TRAP1: variants seen among roughly 807,000 people sequenced by gnomAD.
TRAP1 encodes TNF receptor associated protein 1.
Under a neutral mutation model 89.1 loss-of-function variants are expected in TRAP1, and 102 were observed. The ratio of observed to expected loss-of-function variants is 1.15; its 90% CI spans 0.98 to 1.35. TRAP1 has a LOEUF of 1.35. Ranked by LOEUF, TRAP1 falls within the 40% of genes most tolerant of loss-of-function variation. The pLI is 0.00. For synonymous variants in TRAP1, 508 were observed against 388.0 expected (o/e 1.31, Z -3.64); for missense variants, 1,256 against 945.3 (o/e 1.33, Z -4.31).
intron 3 of TRAP1, among the ~76,000 whole-genome samples, chr16:3,686,809 A>G (rs1403950546): frequency 2.0e-5 from 3 of 152,166 alleles, no homozygotes; most frequent in African/African-American, 4.8e-5. Context: ...AGTCTCTACT[A>G]AAAATATTAA....
rs2151245485 is a variant in TRAP1, at chr16:3,666,043, A to G, written c.1311T>C (p.Tyr437=). The change falls in exon 12 of 18, where the codon TAT becomes TAC. Residue 437 remains tyrosine, a synonymous_variant. Transcript: ENST00000246957. ...GGCCGTAATCTTCAAAAAACTTTGC[A>G]TACTTCTCAGCATCTTTTTTACTCT... is the stretch of plus-strand genomic sequence containing the variant. ...IDQSKKDAEK[Y]AKFFEDYGLF... is the part of the protein sequence containing the mutation. 2 of 1,614,162 alleles carry G rather than the reference A, an allele frequency of 1.2e-6. No homozygotes were observed. The highest frequency in any genetic ancestry group is 1.3e-5 in the African/African-American group (1 of 75,042).
At chr16:3,660,552 A>G (rs1164712238) in intron 16 of TRAP1, 1 of 152,158 alleles carries the variant, frequency 6.6e-6, no homozygotes, top group Admixed American at 6.5e-5. Flanking sequence ...AAACTAGTTA[A>G]AGTGACCTGG....
intron 4 of TRAP1, among the ~76,000 whole-genome samples, chr16:3,680,545 T>C (rs901585711): frequency 6.6e-6 from 1 of 152,210 alleles, no homozygotes; most frequent in Admixed American, 6.5e-5. Context: ...CGGCACCTAC[T>C]CCCACCCTAC....
intron 10 of TRAP1, 145 bp downstream of exon 10, chr16:3,672,555 C>G (rs979716081): frequency 1.5e-6 from 2 of 1,318,224 alleles, no homozygotes; most frequent in Non-Finnish European, 2.0e-6. Flanking sequence ...GGTCTGTAAA[C>G]GCGACTGACA....
Position 3,689,152 on chromosome 16 carries a change from C to A in TRAP1, c.248-15G>T. 6.2e-7 allele frequency: 1 copy of A among 1,605,500 alleles called. No homozygotes were observed. The highest frequency in any genetic ancestry group is 8.5e-7 in the Non-Finnish European group (1 of 1,173,850). On this transcript the variant is annotated splice_polypyrimidine_tract_variant and intron_variant, in intron 2 of 17. Coordinates refer to ENST00000246957, the MANE Select transcript of TRAP1 (RefSeq NM_016292.3). ...GGAAGTGGAACCTAGTAATGAAACA[C>A]AGACACAACCAACAAAGTTTAACTT...
intron 16 of TRAP1, chr16:3,661,068 A>C (rs1596680508): frequency 1.3e-5 from 2 of 152,292 alleles, no homozygotes; most frequent in South Asian, 4.1e-4. Flanking sequence ...AATTTCCCCC[A>C]AAAAAGAAAC....
chr16:3,709,268 G>C (rs1036650035), intron 1 of TRAP1, among the ~76,000 whole-genome samples: 3 of 144,960 alleles, frequency 2.1e-5, no homozygotes, highest in Middle Eastern at 3.6e-3. Flanking sequence ...ATTGGTTCAA[G>C]AGAAAAATGG....
chr16:3,689,042 G>C lies in TRAP1; in HGVS notation c.330+13C>G. 1 of 1,603,584 alleles carries C rather than the reference G, an allele frequency of 6.2e-7. No homozygotes were observed. Among genetic ancestry groups the C allele is most frequent in the African/African-American group, 1.3e-5 (1 of 74,616 alleles). On this transcript the variant is annotated intron_variant, in intron 3 of 17. Coordinates refer to ENST00000246957, the MANE Select transcript of TRAP1 (RefSeq NM_016292.3). ...ACTTTGCTAGCATCGGGCATGGTTA[G>C]CAGGGAACGCACCTCTTTTTCTGAG...
At chr16:3,704,543 C>T (rs1175909310) in intron 1 of TRAP1, among the ~76,000 whole-genome samples, 5 of 152,006 alleles carry the variant, frequency 3.3e-5, no homozygotes, top group Non-Finnish European at 7.4e-5. Flanking sequence ...TATAAAGCTA[C>T]AATATTAAAA....
chr16:3,674,733 C>A, intron 8 of TRAP1: 2 of 558,562 alleles, frequency 3.6e-6, no homozygotes, highest in Non-Finnish European at 6.4e-6. Flanking sequence ...GAGGACCAGC[C>A]GGGACCTGAG....
intron 4 of TRAP1, 42 bp downstream of exon 4, chr16:3,685,954 C>T: frequency 6.3e-7 from 1 of 1,599,454 alleles, no homozygotes; most frequent in South Asian, 1.1e-5. Context: ...GTCCTTGCTG[C>T]ATGGCCGGGC....
At chr16:3,661,861 A>ATAGT in intron 16 of TRAP1, 126 bp downstream of exon 16, 1 of 1,271,334 alleles carries the variant, frequency 7.9e-7, no homozygotes. Flanking sequence ...ACAGCTCCTT[A>ATAGT]TAGTTACCCA....
At chr16:3,706,272 T>C (rs1437350719) in intron 1 of TRAP1, among the ~76,000 whole-genome samples, 1 of 151,904 alleles carries the variant, frequency 6.6e-6, no homozygotes, top group Non-Finnish European at 1.5e-5. Context: ...AACTTTTTAC[T>C]GTAACTTTTG....
At chr16:3,693,778 A>C (rs2051248684) in intron 1 of TRAP1, among the ~76,000 whole-genome samples, 1 of 152,092 alleles carries the variant, frequency 6.6e-6, no homozygotes, top group East Asian at 1.9e-4. Flanking sequence ...GAATCGCTTG[A>C]GCCCAGGGGT....
intron 9 of TRAP1, 120 bp from the exon 10 acceptor site, chr16:3,672,940 G>A (rs560165248): frequency 3.4e-4 from 472 of 1,401,824 alleles, no homozygotes; most frequent in Non-Finnish European, 4.3e-4. Context: ...CTCCCCCAGC[G>A]TCTGCTCTGA....
intron 15 of TRAP1, chr16:3,662,413 C>T (rs1785340154): frequency 1.8e-6 from 1 of 566,436 alleles, no homozygotes; most frequent in Non-Finnish European, 3.2e-6. Flanking sequence ...CCATGCCAGC[C>T]CACCCTGCAT....
chr16:3,685,753 G>A (rs2051130408), intron 4 of TRAP1, among the ~76,000 whole-genome samples: 1 of 152,210 alleles, frequency 6.6e-6, no homozygotes, highest in South Asian at 2.1e-4. Context: ...CATATGCTAA[G>A]ATGTTACCAG....
chr16:3,666,737 A>G (rs1173781527), intron 11 of TRAP1, among the ~76,000 whole-genome samples: 1 of 152,196 alleles, frequency 6.6e-6, no homozygotes, highest in Non-Finnish European at 1.5e-5. Flanking sequence ...GCAGCACTGT[A>G]TATACTATAT....
At chr16:3,661,722 G>GT in intron 16 of TRAP1, 1 of 392,438 alleles carries the variant, frequency 2.5e-6, no homozygotes, top group Non-Finnish European at 4.5e-6. Context: ...ACACGCACAG[G>GT]TGGCAAAGCC....
Sources: allele counts gnomAD v4.1 joint callset (sites outside exome capture counted in the v4.1 genomes callset), GRCh38; gene constraint gnomAD v4.1.1; transcripts MANE v1.5; gene names NCBI Gene and HGNC (gene_info 2026-07-23, HGNC 2026-07-21).